PTPRM: variants seen among roughly 807,000 people sequenced by gnomAD.
PTPRM encodes the protein receptor-type tyrosine-protein phosphatase mu.
A neutral mutation model predicts 186.7 loss-of-function variants in PTPRM; 47 were observed. The observed-to-expected ratio is 0.25, with a 90% confidence interval of 0.20 to 0.32. The LOEUF (loss-of-function observed/expected upper bound fraction) is 0.32. Ranked by LOEUF, PTPRM falls within the 10% of genes least tolerant of loss-of-function variation. PTPRM has a pLI of 1.00. For missense variants in PTPRM, 1,494 were observed against 1,865.0 expected (o/e 0.80, Z 3.66); for synonymous variants, 668 against 674.9 (o/e 0.99, Z 0.16).
At chr18:7,923,063 G>A (rs891162738) in intron 4 of PTPRM, among the ~76,000 whole-genome samples, 3 of 152,144 alleles carry the variant, frequency 2.0e-5, no homozygotes, top group Admixed American at 6.5e-5. Context: ...TCTGCTGCGA[G>A]ACACCAGGAG....
At chr18:7,650,786 AATG>A (rs1246417375) in intron 1 of PTPRM, among the ~76,000 whole-genome samples, 4 of 152,006 alleles carry the variant, frequency 2.6e-5, no homozygotes, top group Admixed American at 1.3e-4. Flanking sequence ...CCTTTCAACA[AATG>A]ATGTCAGTTC....
intron 7 of PTPRM, among the ~76,000 whole-genome samples, chr18:8,047,989 G>T (rs1056789457): frequency 1.3e-5 from 2 of 152,138 alleles, no homozygotes; most frequent in Non-Finnish European, 2.9e-5. Flanking sequence ...GTATGAATCC[G>T]TCCATTTTCA....
chr18:7,775,517 G>A (rs548343152), intron 2 of PTPRM, among the ~76,000 whole-genome samples: 1 of 152,288 alleles, frequency 6.6e-6, no homozygotes, highest in South Asian at 2.1e-4. Flanking sequence ...CCAAACAGGT[G>A]TCTTCCCCTG....
chr18:8,177,518 C>T (rs966108850), intron 14 of PTPRM, among the ~76,000 whole-genome samples: 3 of 152,302 alleles, frequency 2.0e-5, no homozygotes, highest in East Asian at 3.9e-4. Flanking sequence ...CTGTGATTGA[C>T]GGAAGCTCAG....
intron 1 of PTPRM, among the ~76,000 whole-genome samples, chr18:7,676,214 T>G (rs1012906495): frequency 2.6e-5 from 4 of 152,186 alleles, no homozygotes; most frequent in African/African-American, 9.7e-5. Flanking sequence ...GTTTCCACAG[T>G]ATTCTTAGCT....
At chr18:8,358,946 A>T (rs2095579977) in intron 23 of PTPRM, among the ~76,000 whole-genome samples, 1 of 152,222 alleles carries the variant, frequency 6.6e-6, no homozygotes, top group African/African-American at 2.4e-5. Flanking sequence ...ATCTGAAGCC[A>T]TACAAATATG....
intron 4 of PTPRM, among the ~76,000 whole-genome samples, chr18:7,915,398 G>C (rs1189696048): frequency 6.6e-6 from 1 of 152,066 alleles, no homozygotes. Context: ...TGAAATTTCT[G>C]TTCTAAAGGT....
intron 23 of PTPRM, among the ~76,000 whole-genome samples, chr18:8,346,833 G>GA (rs1309850280): frequency 6.6e-6 from 1 of 151,956 alleles, no homozygotes; most frequent in Non-Finnish European, 1.5e-5. Flanking sequence ...AACTCCACTG[G>GA]AAAGCAAGTT....
chr18:7,860,585 A>G (rs2146047158), intron 2 of PTPRM, among the ~76,000 whole-genome samples: 1 of 152,290 alleles, frequency 6.6e-6, no homozygotes, highest in African/African-American at 2.4e-5. Context: ...AAGCTCAGGA[A>G]TCATCTGGCC....
chr18:7,932,623 C>T (rs1039528274), intron 5 of PTPRM, among the ~76,000 whole-genome samples: 4 of 152,076 alleles, frequency 2.6e-5, no homozygotes, highest in Non-Finnish European at 4.4e-5. Flanking sequence ...AGTGATCTTG[C>T]ATCTCAAATA....
rs762221284 is a variant in PTPRM at position 8,406,190 on chromosome 18, C to T, written c.*28C>T. Reference sequence around the variant, plus strand: ...GTGTAAACAGCTCTGCAAACAATCCCTTTCATACCACAAAGCCAAGACGTT... The same window carrying T: ...GTGTAAACAGCTCTGCAAACAATCCTTTTCATACCACAAAGCCAAGACGTT... On this transcript the variant is annotated 3_prime_UTR_variant, in exon 33 of 33. Transcript: ENST00000580170. 1 of 1,602,942 alleles carries T rather than the reference C, an allele frequency of 6.2e-7. No homozygotes were observed. The highest frequency in any genetic ancestry group is 1.1e-5 in the South Asian group (1 of 90,318).
At chr18:7,956,818 T>C (rs1401345567) in intron 7 of PTPRM, among the ~76,000 whole-genome samples, 2 of 152,234 alleles carry the variant, frequency 1.3e-5, no homozygotes, top group Non-Finnish European at 2.9e-5. Flanking sequence ...ATGCAAACAA[T>C]AGCTATGGAT....
chr18:8,241,842 C>A (rs960435857), intron 14 of PTPRM, among the ~76,000 whole-genome samples: 1 of 152,128 alleles, frequency 6.6e-6, no homozygotes, highest in African/African-American at 2.4e-5. Context: ...ACAGTATGTC[C>A]TATGGATATG....
intron 17 of PTPRM, among the ~76,000 whole-genome samples, chr18:8,250,921 A>G (rs1471704049): frequency 6.6e-6 from 1 of 152,228 alleles, no homozygotes; most frequent in Admixed American, 6.5e-5. Context: ...CACTAATTTT[A>G]GTGGAATCAA....
chr18:7,871,431 T>C lies in PTPRM; in HGVS notation c.197-16675T>C, dbSNP rs141733423. On this transcript the variant is annotated intron_variant, in intron 2 of 32. Transcript: ENST00000580170. Reference sequence around the variant, plus strand: ...TCTGTCACTTTGGCATTTGAATATGTCTGACATAGCAATTACAACTTCGTG... The same window carrying C: ...TCTGTCACTTTGGCATTTGAATATGCCTGACATAGCAATTACAACTTCGTG... 7.1e-4 allele frequency among the ~76,000 whole-genome samples: 108 copies of C among 152,334 alleles called. 3 individuals carry two copies. In the East Asian group the frequency reaches 0.014, roughly 20 times the overall value.
chr18:7,799,353 A>G lies in PTPRM; in HGVS notation c.196+25082A>G, dbSNP rs35105808. Among the ~76,000 whole-genome samples, 953 of 152,338 alleles carry G rather than the reference A, an allele frequency of 6.3e-3. 6 individuals are homozygous for G. The highest frequency in any genetic ancestry group is 0.015 in the South Asian group (72 of 4,824). ...AGTGCCCCCCTTCTTCATACTATCAACTTAGAAGTTCTAATATATGAATTT... is the reference window on the plus strand; with the variant it reads ...AGTGCCCCCCTTCTTCATACTATCAGCTTAGAAGTTCTAATATATGAATTT... On this transcript the variant is annotated intron_variant, in intron 2 of 32. Transcript: ENST00000580170.
intron 19 of PTPRM, among the ~76,000 whole-genome samples, chr18:8,282,618 C>T (rs145176298): frequency 0.088 from 13,461 of 152,166 alleles, 681 homozygotes; most frequent in Non-Finnish European, 0.11. Context: ...GCCAAGATCG[C>T]ACCATTGCAC....
chr18:7,880,808 G>T (rs754852343), intron 2 of PTPRM, among the ~76,000 whole-genome samples: 26 of 152,164 alleles, frequency 1.7e-4, no homozygotes, highest in Non-Finnish European at 3.7e-4. Flanking sequence ...CTGGTATTAT[G>T]ATAATCAGGG....
At chr18:8,055,369 A>G (rs2087848124) in intron 7 of PTPRM, among the ~76,000 whole-genome samples, 1 of 152,004 alleles carries the variant, frequency 6.6e-6, no homozygotes, top group African/African-American at 2.4e-5. Flanking sequence ...TGATCCATGC[A>G]CTACTTCACT....
Sources: allele counts gnomAD v4.1 joint callset (sites outside exome capture counted in the v4.1 genomes callset), GRCh38; gene constraint gnomAD v4.1.1; transcripts MANE v1.5; gene names NCBI Gene and HGNC (gene_info 2026-07-23, HGNC 2026-07-21).